The following NKAIN3 variants were observed in gnomAD, a reference collection of about 807,000 sequenced individuals.
NKAIN3 encodes sodium/potassium-transporting ATPase subunit beta-1-interacting protein 3.
In NKAIN3, 25 loss-of-function variants were observed where a neutral mutation model predicts 30.2. The ratio of observed to expected loss-of-function variants is 0.83; its 90% CI spans 0.60 to 1.16. The LOEUF (loss-of-function observed/expected upper bound fraction) is 1.16. NKAIN3 is among the 50% of genes most tolerant of loss of function. The pLI, the probability that NKAIN3 is intolerant of heterozygous loss-of-function variation, is 0.00. For synonymous variants in NKAIN3, 91 were observed against 89.6 expected (o/e 1.02, Z -0.09); for missense variants, 225 against 254.1 (o/e 0.89, Z 0.78).
At chr8:62,522,521 G>A (rs1468044617) in intron 1 of NKAIN3, among the ~76,000 whole-genome samples, 6 of 152,028 alleles carry the variant, frequency 3.9e-5, no homozygotes, top group African/African-American at 9.6e-5. Flanking sequence ...GAGGTACCCA[G>A]AACAAGGCCT....
chr8:62,568,515 C>G (rs1809825799), intron 1 of NKAIN3, among the ~76,000 whole-genome samples: 1 of 152,138 alleles, frequency 6.6e-6, no homozygotes, highest in Non-Finnish European at 1.5e-5. Context: ...ACAAGAAAAA[C>G]AAAAGACTTT....
intron 4 of NKAIN3, among the ~76,000 whole-genome samples, chr8:62,766,239 A>G (rs532329105): frequency 2.0e-5 from 3 of 152,344 alleles, no homozygotes; most frequent in Admixed American, 2.0e-4. Flanking sequence ...TTAATCAAGT[A>G]ACGTAATAAC....
At chr8:62,447,073 A>G (rs566989953) in intron 1 of NKAIN3, among the ~76,000 whole-genome samples, 6 of 152,176 alleles carry the variant, frequency 3.9e-5, no homozygotes, top group African/African-American at 1.4e-4. Flanking sequence ...ATTTGTAAGT[A>G]TCCGTTATAG....
intron 1 of NKAIN3, among the ~76,000 whole-genome samples, chr8:62,502,340 T>C (rs1807480891): frequency 6.6e-6 from 1 of 152,180 alleles, no homozygotes. Context: ...CACTATCTTG[T>C]TTCTGCTTCT....
intron 4 of NKAIN3, among the ~76,000 whole-genome samples, chr8:62,758,851 A>G (rs1816543921): frequency 6.6e-6 from 1 of 152,246 alleles, no homozygotes; most frequent in Non-Finnish European, 1.5e-5. Flanking sequence ...AATTAGAGAC[A>G]GAATTATCCA....
At chr8:62,728,428 C>G (rs1195290398) in intron 3 of NKAIN3, among the ~76,000 whole-genome samples, 5 of 149,908 alleles carry the variant, frequency 3.3e-5, no homozygotes, top group Admixed American at 6.6e-5. Flanking sequence ...TTTGAGAGGC[C>G]GAGGTGGGCG....
At chr8:62,324,941 C>G (rs1815065394) in intron 1 of NKAIN3, among the ~76,000 whole-genome samples, 1 of 151,492 alleles carries the variant, frequency 6.6e-6, no homozygotes, top group South Asian at 2.1e-4. Context: ...AGAATGTCAT[C>G]CTGCAGTGTT....
chr8:62,555,666 G>A (rs996433944), intron 1 of NKAIN3, among the ~76,000 whole-genome samples: 2 of 152,038 alleles, frequency 1.3e-5, no homozygotes, highest in Admixed American at 6.6e-5. Context: ...AATGTTTAAA[G>A]AGGAAATGGC....
chr8:62,524,763 G>A (rs1808249745), intron 1 of NKAIN3, among the ~76,000 whole-genome samples: 1 of 151,908 alleles, frequency 6.6e-6, no homozygotes, highest in African/African-American at 2.4e-5. Context: ...ATTCTTAAAA[G>A]CACTCCGCTC....
intron 1 of NKAIN3, among the ~76,000 whole-genome samples, chr8:62,556,706 A>G (rs116670314): frequency 0.014 from 2,120 of 151,990 alleles, 44 homozygotes; most frequent in African/African-American, 0.044. Context: ...GATAAATATT[A>G]TAATAAAATA....
At chr8:62,348,791 G>A (rs565743638) in intron 1 of NKAIN3, among the ~76,000 whole-genome samples, 3 of 152,250 alleles carry the variant, frequency 2.0e-5, no homozygotes, top group South Asian at 2.1e-4. Flanking sequence ...GGAATCTCAC[G>A]TGATGACTAT....
At chr8:62,392,246 A>G (rs1817604136) in intron 1 of NKAIN3, among the ~76,000 whole-genome samples, 1 of 152,072 alleles carries the variant, frequency 6.6e-6, no homozygotes, top group African/African-American at 2.4e-5. Flanking sequence ...TTGGCTTCAC[A>G]GTAATTTAAA....
At chr8:62,835,801 G>A (rs1199515225) in intron 4 of NKAIN3, among the ~76,000 whole-genome samples, 1 of 151,906 alleles carries the variant, frequency 6.6e-6, no homozygotes, top group Non-Finnish European at 1.5e-5. Flanking sequence ...ACAGAACTTA[G>A]AACTACCATT....
At chr8:62,372,954 C>T (rs74818235) in intron 1 of NKAIN3, among the ~76,000 whole-genome samples, 17,216 of 152,130 alleles carry the variant, frequency 0.11, 1,515 homozygotes, top group African/African-American at 0.24. Context: ...CACCTACCAG[C>T]AGGACAAGCA....
At chr8:62,602,501 C>A (rs1811009882) in intron 3 of NKAIN3, among the ~76,000 whole-genome samples, 2 of 152,062 alleles carry the variant, frequency 1.3e-5, no homozygotes, top group African/African-American at 4.8e-5. Flanking sequence ...CAATCTTCTG[C>A]CCCAAACCCT....
intron 1 of NKAIN3, among the ~76,000 whole-genome samples, chr8:62,569,192 A>G (rs1809849328): frequency 6.6e-6 from 1 of 152,198 alleles, no homozygotes; most frequent in African/African-American, 2.4e-5. Flanking sequence ...AGCTCTGTCT[A>G]GCATAGTGGC....
rs1445147099 is a variant in NKAIN3, at chr8:62,960,741, A to ACACACACT, written c.604-4606_604-4605insTCACACAC. Among the ~76,000 whole-genome samples, 303 of 151,958 alleles carry ACACACACT rather than the reference A, an allele frequency of 2.0e-3. 1 individual carries two copies. The highest frequency in any genetic ancestry group is 6.8e-3 in the African/African-American group (282 of 41,424). On this transcript the variant is annotated intron_variant, in intron 6 of 6. Transcript: ENST00000623646. ...CACAATACGCAGGAAAAAAGCACAC[A>ACACACACT]CACACACACACACACAAGTGATTAG...
intron 5 of NKAIN3, among the ~76,000 whole-genome samples, chr8:62,997,678 C>T (rs1481930631): frequency 1.3e-5 from 2 of 151,388 alleles, no homozygotes; most frequent in Admixed American, 1.3e-4. Flanking sequence ...TTACTTTGCC[C>T]TATAGTGAGA....
intron 4 of NKAIN3, among the ~76,000 whole-genome samples, chr8:62,897,261 A>G (rs577456195): frequency 6.6e-6 from 1 of 152,350 alleles, no homozygotes; most frequent in Admixed American, 6.5e-5. Context: ...ATAGTCTTAC[A>G]CTCAACAAAG....
Sources: allele counts gnomAD v4.1 joint callset (sites outside exome capture counted in the v4.1 genomes callset), GRCh38; gene constraint gnomAD v4.1.1; transcripts MANE v1.5; gene names NCBI Gene and HGNC (gene_info 2026-07-23, HGNC 2026-07-21).